The following BLOC1S2 variants were observed in gnomAD, a reference collection of about 807,000 sequenced individuals.
BLOC1S2 encodes biogenesis of lysosome-related organelles complex 1 subunit 2.
In BLOC1S2, 12 loss-of-function variants were observed where a neutral mutation model predicts 19.6. The ratio of observed to expected loss-of-function variants is 0.61; its 90% CI spans 0.39 to 0.99. The LOEUF (loss-of-function observed/expected upper bound fraction) is 0.99. BLOC1S2 is among the 50% of genes least tolerant of loss of function. The pLI is 0.00. For synonymous variants in BLOC1S2, 66 were observed against 64.1 expected (o/e 1.03, Z -0.14); for missense variants, 142 against 171.0 (o/e 0.83, Z 0.95).
chr10:100,286,561 C>G, intron 1 of BLOC1S2, 44 bp downstream of exon 1: 2 of 1,609,756 alleles, frequency 1.2e-6, no homozygotes, highest in Non-Finnish European at 1.7e-6. Context: ...AGACGGAGCC[C>G]CAGGCCCCCC....
At chr10:100,277,726 C>G (rs1378148724) in intron 4 of BLOC1S2, among the ~76,000 whole-genome samples, 1 of 132,138 alleles carries the variant, frequency 7.6e-6, no homozygotes, top group East Asian at 2.4e-4. Flanking sequence ...GCCCCCCGCC[C>G]GGCCAGCCGC....
At position 100,285,074 on chromosome 10, in the gene BLOC1S2, CAGAAAA is replaced by C. The variant is rs1564874782; in HGVS notation, c.172+1017_172+1022del. ...ATAGTGAGACCCTGTCTCTTAAAAA[CAGAAAA>C]AGAAAAAAAAAAATTACAGATTCAC... On this transcript the variant is annotated intron_variant, in intron 2 of 4. Transcript: ENST00000370372. Among the ~76,000 whole-genome samples, 15 of 121,120 alleles carry C rather than the reference CAGAAAA, an allele frequency of 1.2e-4. No homozygotes were observed. In the South Asian group the frequency reaches 3.3e-3, roughly 27 times the overall value. 79.5% of individuals were successfully genotyped at this position (121,120 alleles called of 152,430 possible).
rs1382567584 is a variant in BLOC1S2 at position 100,277,363 on chromosome 10, C to A, written c.398-1870G>T. Among the ~76,000 whole-genome samples, 7 of 150,930 alleles carry A rather than the reference C, an allele frequency of 4.6e-5. No homozygotes were observed. The East Asian group carries it at 1.2e-3, about 26-fold the overall frequency. On this transcript the variant is annotated intron_variant, in intron 4 of 4. Transcript: ENST00000370372. ...CAGCCCCCCGCCCGGCCAGCCGCCC[C>A]GTCCGGGAGGTGAGGGGCGCCTCTG...
intron 2 of BLOC1S2, chr10:100,282,939 T>G (rs920841359): frequency 6.0e-5 from 24 of 398,514 alleles, no homozygotes; most frequent in African/African-American, 4.3e-4. Flanking sequence ...AATCTCATCC[T>G]GCACAGCGTC....
chr10:100,275,505 G>A lies in BLOC1S2; in HGVS notation c.398-12C>T. 2 of 1,604,720 alleles carry A rather than the reference G, an allele frequency of 1.2e-6. No homozygotes were observed. Among genetic ancestry groups the A allele is most frequent in the African/African-American group, 1.3e-5 (1 of 74,926 alleles). On this transcript the variant is annotated splice_polypyrimidine_tract_variant and intron_variant, in intron 4 of 4. Coordinates refer to ENST00000370372, the MANE Select transcript of BLOC1S2 (RefSeq NM_173809.5). ...CTTGTACTTGGCTTCTGTGAGGGAT[G>A]AGGGAGAGTTACATCTTTTAAAACT...
intron 2 of BLOC1S2, among the ~76,000 whole-genome samples, chr10:100,284,477 G>A (rs768513993): frequency 4.6e-5 from 7 of 152,114 alleles, no homozygotes; most frequent in Admixed American, 6.5e-5. Context: ...CTTGGGCAAC[G>A]GAGCAGACCT....
At chr10:100,281,704 A>G (rs1288902492) in intron 2 of BLOC1S2, among the ~76,000 whole-genome samples, 1 of 127,322 alleles carries the variant, frequency 7.9e-6, no homozygotes, top group Non-Finnish European at 1.6e-5. Context: ...ATATATATAT[A>G]TACACATACA....
In BLOC1S2 at chr10:100,276,368, CTCTCCCG is replaced by C. The variant is rs762423773; in HGVS notation, c.398-882_398-876del. Among the ~76,000 whole-genome samples the C allele has an allele frequency of 2.1e-3, 130 of 61,992 alleles. 13 individuals are homozygous for C. The highest frequency in any genetic ancestry group is 8.7e-3 in the African/African-American group (105 of 12,026). 40.7% of individuals were successfully genotyped at this position (61,992 alleles called of 152,430 possible). A position where few individuals can be genotyped will look rare whatever the true frequency, so the allele number is the denominator to read the frequency against. ...TCTCCCGTCTCCCTCTCCCGTCTCC[CTCTCCCG>C]TCTCCCTCTCCCGTCTCCCTCTCCC... On this transcript the variant is annotated intron_variant, in intron 4 of 4. Transcript: ENST00000370372.
At chr10:100,286,479 G>A in intron 1 of BLOC1S2, 126 bp downstream of exon 1, 12 of 1,494,142 alleles carry the variant, frequency 8.0e-6, no homozygotes, top group South Asian at 5.2e-5. Context: ...CTCGCGCGCA[G>A]CGACAAGTGC....
chr10:100,277,941 C>T (rs1331825171), intron 4 of BLOC1S2, among the ~76,000 whole-genome samples: 1 of 102,518 alleles, frequency 9.8e-6, no homozygotes, highest in Non-Finnish European at 2.0e-5. Flanking sequence ...GGCGCCTCTG[C>T]CCGGCCGCCC....
At chr10:100,286,368 C>T (rs1848239550) in intron 1 of BLOC1S2, 155 bp from the exon 2 acceptor site, 3 of 1,458,396 alleles carry the variant, frequency 2.1e-6, no homozygotes, top group Non-Finnish European at 9.1e-7. Context: ...GCGTCCCTGC[C>T]CATCTGACAC....
Position 100,280,125 on chromosome 10 carries a change from C to T in BLOC1S2, c.396G>A (p.Leu132=). The change falls in exon 4 of 5, where the codon CTG becomes CTA. Residue 132 remains leucine (L), a splice_region_variant and synonymous_variant. Transcript: ENST00000370372. Reference sequence around the variant, plus strand: ...CAAAACAGAAGTAAAAACGGTTACCCAGTTTTTTTGAATATGCATCCAACT... The same window carrying T: ...CAAAACAGAAGTAAAAACGGTTACCTAGTTTTTTTGAATATGCATCCAACT... ...AYKLDAYSKK[L]EAKYKKLEKR 1 of 1,612,210 alleles carries T rather than the reference C, an allele frequency of 6.2e-7. No individual in the cohort carries two copies. Among genetic ancestry groups the T allele is most frequent in the Non-Finnish European group, 8.5e-7 (1 of 1,179,000 alleles).
At chr10:100,282,224 T>C (rs1208929788) in intron 2 of BLOC1S2, among the ~76,000 whole-genome samples, 2 of 152,240 alleles carry the variant, frequency 1.3e-5, no homozygotes, top group African/African-American at 2.4e-5. Context: ...CTCTCTATTC[T>C]GCTACATCTA....
At chr10:100,279,185 A>G (rs749714314) in intron 4 of BLOC1S2, among the ~76,000 whole-genome samples, 127 of 152,238 alleles carry the variant, frequency 8.3e-4, no homozygotes, top group Non-Finnish European at 1.1e-3. Context: ...GCAAACCACT[A>G]GTACTAAAAA....
intron 4 of BLOC1S2, among the ~76,000 whole-genome samples, chr10:100,276,305 T>A: frequency 8.5e-6 from 1 of 117,624 alleles, no homozygotes; most frequent in Non-Finnish European, 2.0e-5. Flanking sequence ...TCCCTCTCCA[T>A]CTCCCTCTCC....
chr10:100,281,721 C>T (rs1449796896), intron 2 of BLOC1S2, among the ~76,000 whole-genome samples: 5 of 149,188 alleles, frequency 3.4e-5, no homozygotes, highest in African/African-American at 5.0e-5. Flanking sequence ...TACACACACA[C>T]ACACACACAC....
At chr10:100,275,576 A>T (rs1471271797) in intron 4 of BLOC1S2, 83 bp from the exon 5 acceptor site, 16 of 1,243,004 alleles carry the variant, frequency 1.3e-5, no homozygotes, top group African/African-American at 9.0e-5. Flanking sequence ...AGTCAAGTTT[A>T]AAAAATATGT....
intron 4 of BLOC1S2, among the ~76,000 whole-genome samples, chr10:100,276,508 GTCTCCC>G (rs1450130538): frequency 8.5e-6 from 1 of 117,418 alleles, no homozygotes; most frequent in Non-Finnish European, 1.9e-5. Flanking sequence ...TCCCTCTCCC[GTCTCCC>G]TCTCCCTCTC....
chr10:100,277,395 C>T (rs1312739974), intron 4 of BLOC1S2, among the ~76,000 whole-genome samples: 3 of 151,060 alleles, frequency 2.0e-5, no homozygotes, highest in African/African-American at 2.4e-5. Flanking sequence ...TCTGCCCGGC[C>T]GCCCCTACTG....
Sources: allele counts gnomAD v4.1 joint callset (sites outside exome capture counted in the v4.1 genomes callset), GRCh38; gene constraint gnomAD v4.1.1; transcripts MANE v1.5; gene names NCBI Gene and HGNC (gene_info 2026-07-23, HGNC 2026-07-21).